Variants in CHRM3 observed in about 807,000 individuals in gnomAD.
The protein encoded by CHRM3 is cholinergic receptor muscarinic 3.
Under a neutral mutation model 41.8 loss-of-function variants are expected in CHRM3, and 11 were observed. That is an observed-to-expected ratio of 0.26 (90% CI 0.17 to 0.44). The LOEUF is 0.44. CHRM3 is among the 20% of genes least tolerant of loss of function. The pLI is 1.00. For missense variants in CHRM3, 571 were observed against 745.4 expected, an observed-to-expected ratio of 0.77 and a Z score of 2.72; for synonymous variants, 297 against 301.4, an observed-to-expected ratio of 0.99 and a Z score of 0.15.
At chr1:239,740,140 A>G (rs1426876286) in intron 5 of CHRM3, among the ~76,000 whole-genome samples, 1 of 152,022 alleles carries the variant, frequency 6.6e-6, no homozygotes, top group Non-Finnish European at 1.5e-5. Flanking sequence ...CCTGTCATAC[A>G]ACCTTCCACT....
At chr1:239,450,079 G>A (rs1296460318) in intron 1 of CHRM3, among the ~76,000 whole-genome samples, 1 of 152,074 alleles carries the variant, frequency 6.6e-6, no homozygotes, top group Non-Finnish European at 1.5e-5. Flanking sequence ...TGCCTTTGTC[G>A]ATTACATGTT....
At chr1:239,719,487 CA>C (rs1053633373) in intron 5 of CHRM3, 1 of 151,938 alleles carries the variant, frequency 6.6e-6, no homozygotes, top group Non-Finnish European at 1.5e-5. Flanking sequence ...GGATTAGACT[CA>C]AAGTAAGCTG....
intron 5 of CHRM3, among the ~76,000 whole-genome samples, chr1:239,820,617 C>A (rs983483725): frequency 6.6e-6 from 1 of 151,646 alleles, no homozygotes; most frequent in African/African-American, 2.4e-5. Flanking sequence ...GACTTTGAGG[C>A]TTTTTTTTCA....
intron 2 of CHRM3, among the ~76,000 whole-genome samples, chr1:239,520,081 A>G (rs1279396689): frequency 6.6e-6 from 1 of 152,196 alleles, no homozygotes; most frequent in East Asian, 1.9e-4. Flanking sequence ...CTCATATACC[A>G]AATACCAAAT....
chr1:239,824,076 G>A (rs917065365), intron 5 of CHRM3, among the ~76,000 whole-genome samples: 3 of 152,040 alleles, frequency 2.0e-5, no homozygotes, highest in Non-Finnish European at 4.4e-5. Flanking sequence ...AGAATGCCAG[G>A]CTGCCGGCGG....
In CHRM3 at chr1:239,531,568, CAT is replaced by C. The variant is rs779604354; in HGVS notation, c.-421-14071_-421-14070del. ...TTATGAATTAAGTGTTTCAAGATAT[CAT>C]AAACTAGGTAAACAAAAATCATGTA... is the stretch of plus-strand genomic sequence containing the variant. On this transcript the variant is annotated intron_variant, in intron 2 of 6. Transcript: ENST00000676153. Among the ~76,000 whole-genome samples, 7 of 143,006 alleles carry C rather than the reference CAT, an allele frequency of 4.9e-5. No individual in the cohort carries two copies. In the East Asian group the frequency reaches 6.6e-4, roughly 14 times the overall value. 93.8% of individuals were successfully genotyped at this position (143,006 alleles called of 152,430 possible). A position where few individuals can be genotyped will look rare whatever the true frequency, so the allele number is the denominator to read the frequency against.
At chr1:239,413,184 T>G (rs1276105774) in intron 1 of CHRM3, among the ~76,000 whole-genome samples, 1 of 152,112 alleles carries the variant, frequency 6.6e-6, no homozygotes, top group African/African-American at 2.4e-5. Context: ...TGGTTTCCAC[T>G]GCTGTTCACA....
intron 3 of CHRM3, among the ~76,000 whole-genome samples, chr1:239,564,957 G>A (rs1345991187): frequency 2.6e-5 from 4 of 152,160 alleles, no homozygotes; most frequent in Non-Finnish European, 4.4e-5. Context: ...ACAGGGCTGT[G>A]CTGTCCCCGG....
At chr1:239,668,089 C>CTTTTTTTTTTTTTTTTTTTTTTTTTTT in intron 4 of CHRM3, among the ~76,000 whole-genome samples, 1 of 75,598 alleles carries the variant, frequency 1.3e-5, no homozygotes, top group Non-Finnish European at 2.6e-5. Context: ...TTTCCCCTTT[C>CTTTTTTTTTTTTTTTTTTTTTTTTTTT]TTTTTTTTTT....
chr1:239,883,859 C>T (rs1024510182), intron 6 of CHRM3, among the ~76,000 whole-genome samples: 3 of 152,244 alleles, frequency 2.0e-5, no homozygotes, highest in African/African-American at 4.8e-5. Context: ...TTATCCCCTA[C>T]TCTAATCTCT....
chr1:239,587,610 A>C (rs1663564188), intron 3 of CHRM3, among the ~76,000 whole-genome samples: 1 of 152,204 alleles, frequency 6.6e-6, no homozygotes, highest in African/African-American at 2.4e-5. Flanking sequence ...TGATCAAATT[A>C]CCGGTAGACA....
intron 5 of CHRM3, among the ~76,000 whole-genome samples, chr1:239,745,774 C>T (rs1440416087): frequency 1.3e-5 from 2 of 152,024 alleles, no homozygotes; most frequent in African/African-American, 4.8e-5. Flanking sequence ...GTAAAAGTAA[C>T]ATTAGACACT....
chr1:239,820,864 A>G (rs575963785), intron 5 of CHRM3, among the ~76,000 whole-genome samples: 1 of 152,288 alleles, frequency 6.6e-6, no homozygotes, highest in Admixed American at 6.5e-5. Flanking sequence ...TTGCAAATCT[A>G]TTATGTATCA....
intron 1 of CHRM3, among the ~76,000 whole-genome samples, chr1:239,473,514 G>T (rs1200241909): frequency 6.6e-6 from 1 of 152,124 alleles, no homozygotes; most frequent in Non-Finnish European, 1.5e-5. Context: ...GTAATTTTGT[G>T]TAACTAATTT....
chr1:239,648,274 G>T (rs968818123), intron 4 of CHRM3, among the ~76,000 whole-genome samples: 4 of 152,090 alleles, frequency 2.6e-5, no homozygotes, highest in Non-Finnish European at 5.9e-5. Flanking sequence ...GTCTCTTCTT[G>T]CTCCCTTTTC....
chr1:239,757,364 C>T (rs1666324462), intron 5 of CHRM3, among the ~76,000 whole-genome samples: 1 of 152,074 alleles, frequency 6.6e-6, no homozygotes, highest in Non-Finnish European at 1.5e-5. Flanking sequence ...GACATCCTCT[C>T]ACGCCTGTAA....
intron 6 of CHRM3, among the ~76,000 whole-genome samples, chr1:239,873,682 T>G (rs1676788960): frequency 6.6e-6 from 1 of 152,148 alleles, no homozygotes; most frequent in Non-Finnish European, 1.5e-5. Context: ...CAGGTGACAG[T>G]CAAAACTCTG....
At chr1:239,842,682 A>G (rs6686627) in intron 6 of CHRM3, among the ~76,000 whole-genome samples, 6,834 of 152,270 alleles carry the variant, frequency 0.045, 504 homozygotes, top group African/African-American at 0.16. Flanking sequence ...AAGTGTCATC[A>G]TAAAATCTCC....
intron 4 of CHRM3, among the ~76,000 whole-genome samples, chr1:239,632,999 G>C (rs1405121454): frequency 4.6e-5 from 7 of 152,226 alleles, no homozygotes; most frequent in African/African-American, 1.7e-4. Context: ...TTGAGACGGA[G>C]TCTCGCTCTG....
Sources: allele counts gnomAD v4.1 joint callset (sites outside exome capture counted in the v4.1 genomes callset), GRCh38; gene constraint gnomAD v4.1.1; transcripts MANE v1.5; gene names NCBI Gene and HGNC (gene_info 2026-07-23, HGNC 2026-07-21).